RP1: variants seen among roughly 807,000 people sequenced by gnomAD.
RP1 encodes the protein RP1 axonemal microtubule associated, also known as oxygen-regulated protein 1.
In RP1, 16 loss-of-function variants were observed where a neutral mutation model predicts 14.8. That is an observed-to-expected ratio of 1.08 (90% confidence interval 0.73 to 1.65). RP1 has a LOEUF of 1.65. RP1 is among the 40% of genes most tolerant of loss of function. The pLI is 0.00. For missense variants in RP1, 2,631 were observed against 2,535.0 expected (o/e 1.04, Z -0.81); for synonymous variants, 876 against 883.6 (o/e 0.99, Z 0.15).
chr8:54,622,969 A>G (rs1224972983), intron 3 of RP1, among the ~76,000 whole-genome samples: 1 of 152,202 alleles, frequency 6.6e-6, no homozygotes, highest in Admixed American at 6.5e-5. Context: ...CAGTATTTCC[A>G]GGGAAGACAA....
chr8:54,576,281 G>A (rs1804659933), intron 1 of RP1, among the ~76,000 whole-genome samples: 2 of 152,212 alleles, frequency 1.3e-5, no homozygotes, highest in South Asian at 2.1e-4. Context: ...TCCTGACTTC[G>A]TGATCCGCCC....
At chr8:54,855,681 G>GA (rs777122289) in intron 26 of RP1, among the ~76,000 whole-genome samples, 14 of 152,118 alleles carry the variant, frequency 9.2e-5, no homozygotes, top group Non-Finnish European at 1.9e-4. Flanking sequence ...ACATGGGCAT[G>GA]ACACTTGAAT....
At chr8:54,776,197 T>A (rs1353001302) in intron 23 of RP1, among the ~76,000 whole-genome samples, 1 of 152,134 alleles carries the variant, frequency 6.6e-6, no homozygotes, top group Non-Finnish European at 1.5e-5. Flanking sequence ...GTTGTTGTTT[T>A]TGTTTGGTTA....
At chr8:54,784,579 A>G (rs1252298945) in intron 24 of RP1, among the ~76,000 whole-genome samples, 1 of 152,118 alleles carries the variant, frequency 6.6e-6, no homozygotes, top group South Asian at 2.1e-4. Flanking sequence ...CTATTTTCCT[A>G]TGACAAACTC....
At chr8:54,759,767 G>A (rs1441968878) in intron 22 of RP1, among the ~76,000 whole-genome samples, 3 of 152,152 alleles carry the variant, frequency 2.0e-5, no homozygotes, top group East Asian at 3.9e-4. Context: ...GGGCAATCAT[G>A]TTTATTGTTG....
exon 13 of RP1, chr8:54,699,561 C>T (rs1162848512): frequency 1.5e-6 from 2 of 1,378,776 alleles, no homozygotes; most frequent in African/African-American, 1.4e-5. Context: ...ATGGCATTGT[C>T]ACTGGAATGG....
Position 54,581,058 on chromosome 8 carries a change from G to C in RP1, c.-13+21738G>C, listed in dbSNP as rs1230782242. On this transcript the variant is annotated intron_variant, in intron 1 of 22. Coordinates refer to the RP1 transcript ENST00000636932. ...TTAAGGTATATGTGCACAACGTGCA[G>C]TTTTGTTACATATGTATACATATGC... is the stretch of plus-strand genomic sequence containing the variant. Among the ~76,000 whole-genome samples, 4 of 152,060 alleles carry C rather than the reference G, an allele frequency of 2.6e-5. No individual in the cohort carries two copies. The South Asian group carries it at 6.3e-4, about 24-fold the overall frequency.
Position 54,629,176 on chromosome 8 carries a change from G to T in RP1, c.5294G>T (p.Gly1765Val). The T allele has an allele frequency of 6.2e-7, 1 of 1,614,110 alleles. No individual in the cohort carries two copies. Among genetic ancestry groups the T allele is most frequent in the Non-Finnish European group, 8.5e-7 (1 of 1,179,968 alleles). Residue 1765 changes from glycine to valine, a missense_variant, in exon 4 of 4, where the codon GGC (glycine) becomes GTC (valine). Gly to Val is a moderately radical substitution (Grantham distance 109). Transcript: ENST00000220676. ...RMSSENPGMC[G>V]NADTTSVDTL... ...TCATCTGAAAATCCTGGCATGTGTG[G>T]CAATGCAGACACCACATCAGTGGAC...
At chr8:54,703,210 A>G (rs575159451) in intron 14 of RP1, among the ~76,000 whole-genome samples, 1 of 152,336 alleles carries the variant, frequency 6.6e-6, no homozygotes, top group African/African-American at 2.4e-5. Context: ...CAGTGAAATC[A>G]CTGTCTATGG....
intron 1 of RP1, among the ~76,000 whole-genome samples, chr8:54,608,002 G>C (rs889424081): frequency 2.0e-5 from 3 of 151,914 alleles, no homozygotes; most frequent in African/African-American, 7.3e-5. Context: ...TGGGTGAGGC[G>C]ATGCCTCACC....
chr8:54,781,566 TG>T (rs1810190387), intron 23 of RP1, among the ~76,000 whole-genome samples: 1 of 152,230 alleles, frequency 6.6e-6, no homozygotes, highest in Non-Finnish European at 1.5e-5. Context: ...TTTTTAGCCC[TG>T]TTATAAATAA....
chr8:54,800,999 C>A (rs1810691168), intron 24 of RP1, among the ~76,000 whole-genome samples: 1 of 152,178 alleles, frequency 6.6e-6, no homozygotes, highest in South Asian at 2.1e-4. Flanking sequence ...GAGATAAGCA[C>A]ACTTTCCTTC....
intron 1 of RP1, among the ~76,000 whole-genome samples, chr8:54,559,814 T>A (rs572992554): frequency 6.6e-6 from 1 of 152,112 alleles, no homozygotes; most frequent in African/African-American, 2.4e-5. Context: ...GACAGTATGA[T>A]AAAGGATGAC....
intron 18 of RP1, among the ~76,000 whole-genome samples, chr8:54,736,275 CA>C (rs1563361886): frequency 6.6e-6 from 1 of 151,740 alleles, no homozygotes; most frequent in Non-Finnish European, 1.5e-5. Flanking sequence ...ATTGTGATGA[CA>C]AAAAGAGAAA....
chr8:54,652,316 A>C (rs951979622), intron 4 of RP1, among the ~76,000 whole-genome samples: 1 of 152,164 alleles, frequency 6.6e-6, no homozygotes, highest in Non-Finnish European at 1.5e-5. Flanking sequence ...TTCTGGATTC[A>C]TTCCATTGTG....
At chr8:54,795,571 C>G (rs1357621828) in intron 24 of RP1, among the ~76,000 whole-genome samples, 1 of 152,042 alleles carries the variant, frequency 6.6e-6, no homozygotes, top group East Asian at 1.9e-4. Context: ...AGCCAAAAAC[C>G]TTTGTGGAGA....
chr8:54,682,246 T>TC (rs1421558817), intron 12 of RP1, among the ~76,000 whole-genome samples: 1 of 146,476 alleles, frequency 6.8e-6, no homozygotes, highest in Non-Finnish European at 1.5e-5. Context: ...TAAATTAAAA[T>TC]TTTTTTTTTT....
intron 19 of RP1, among the ~76,000 whole-genome samples, chr8:54,740,729 AT>A (rs1809060416): frequency 6.6e-6 from 1 of 151,992 alleles, no homozygotes. Flanking sequence ...CTTAAAAAAA[AT>A]AATAATAAAA....
Position 54,627,425 on chromosome 8 carries a change from T to A in RP1, c.3543T>A (p.Ala1181=). ...CAGAGGAAGCTGATGACTTGAAAGC[T>A]GCTGTTGCCAATTTAGTGGAGTCAA... ...AITEEADDLK[A]AVANLVESTT... The change falls in exon 4 of 4, where the codon GCT becomes GCA. Residue 1181 remains alanine (A), a synonymous_variant. Coordinates refer to ENST00000220676, the MANE Select transcript of RP1 (RefSeq NM_006269.2). The A allele has an allele frequency of 6.2e-7, 1 of 1,614,194 alleles. No homozygotes were observed. Among genetic ancestry groups the A allele is most frequent in the African/African-American group, 1.3e-5 (1 of 75,080 alleles).
Sources: gnomAD v4.1 joint callset for allele counts (sites outside exome capture counted in the v4.1 genomes callset) on GRCh38, gnomAD v4.1.1 for gene constraint, MANE v1.5 for transcripts, NCBI Gene and HGNC (gene_info 2026-07-23, HGNC 2026-07-21) for gene names.